The following PTER variants were observed in gnomAD, a reference collection of about 807,000 sequenced individuals.
PTER encodes phosphotriesterase related.
In PTER, 38 loss-of-function variants were observed where a neutral mutation model predicts 29.6. The observed-to-expected ratio is 1.28, with a 90% CI of 0.99 to 1.68. The LOEUF is 1.68. Among genes scored for constraint, PTER ranks in the 40% most tolerant of loss-of-function variants. The pLI is 0.00. For missense variants in PTER, 482 were observed against 427.8 expected, an observed-to-expected ratio of 1.13 and a Z score of -1.12; for synonymous variants, 172 against 154.5, an observed-to-expected ratio of 1.11 and a Z score of -0.84.
downstream of PTER, among the ~76,000 whole-genome samples, chr10:16,515,292 T>C (rs1330584521): frequency 6.6e-6 from 1 of 152,106 alleles, no homozygotes; most frequent in Non-Finnish European, 1.5e-5. Flanking sequence ...AAAGCCCCCT[T>C]TACCAGGCTG....
intron 1 of PTER, among the ~76,000 whole-genome samples, chr10:16,440,998 T>G (rs1833830682): frequency 6.6e-6 from 1 of 152,200 alleles, no homozygotes; most frequent in Admixed American, 6.5e-5. Flanking sequence ...CATGCTCCTT[T>G]TACTGTGTGG....
Position 16,484,361 on chromosome 10 carries a change from C to A in PTER, c.-24C>A. On this transcript the variant is annotated 5_prime_UTR_variant, in exon 2 of 5. Transcript: ENST00000535784. ...GAAAAAAGAAATCCTCTTTTTAGAA[C>A]ATCTCTTGGTGGTACCATCAGAAAT... The A allele has an allele frequency of 6.5e-7, 1 of 1,537,554 alleles. No homozygotes were observed. The highest frequency in any genetic ancestry group is 8.7e-7 in the Non-Finnish European group (1 of 1,143,128).
Position 16,457,415 on chromosome 10 carries a change from G to A in PTER, c.-49+20368G>A, listed in dbSNP as rs552653331. The stretch of plus-strand genomic sequence containing the variant: ...TTTTTAGTAGAGACGGGGTTTCACC[G>A]TGTTAGCCACGATGGTCTCGATCTC... On this transcript the variant is annotated intron_variant, in intron 1 of 4. Coordinates refer to ENST00000535784, the MANE Select transcript of PTER (RefSeq NM_001261836.2). 1.3e-4 allele frequency among the ~76,000 whole-genome samples: 19 copies of A among 151,952 alleles called. 1 individual carries two copies. The highest frequency in any genetic ancestry group is 1.1e-3 in the Admixed American group (17 of 15,250).
chr10:16,486,372 TG>T lies in PTER; in HGVS notation c.454del (p.Glu152LysfsTer25), dbSNP rs764474769. 2.7e-5 allele frequency: 43 copies of T among 1,613,850 alleles called. No homozygotes were observed. Among genetic ancestry groups the T allele is most frequent in the Non-Finnish European group, 3.6e-5 (43 of 1,179,796 alleles). On this transcript the variant is annotated frameshift_variant, in exon 3 of 5. Coordinates refer to ENST00000535784, the MANE Select transcript of PTER (RefSeq NM_001261836.2). LOFTEE classifies it high-confidence loss of function. ...VEQLTDVLMN[E>X]ILHGADGTSI... Reference sequence around the variant, plus strand: ...CTTAGCTTACCGATGTCCTTATGAATGAAATTCTCCATGGAGCTGATGGAAC... The same window carrying T: ...CTTAGCTTACCGATGTCCTTATGAATAAATTCTCCATGGAGCTGATGGAAC...
intron 3 of PTER, among the ~76,000 whole-genome samples, chr10:16,502,790 A>T (rs1388565499): frequency 6.6e-6 from 1 of 151,948 alleles, no homozygotes; most frequent in Non-Finnish European, 1.5e-5. Context: ...GGAGTTCAAG[A>T]CCAGCCTGGC....
chr10:16,516,326 T>G (rs1265330857), downstream of PTER, among the ~76,000 whole-genome samples: 1 of 152,196 alleles, frequency 6.6e-6, no homozygotes, highest in South Asian at 2.1e-4. Context: ...TAAAGATTAA[T>G]CATGAGTTTG....
chr10:16,494,839 G>A (rs1291899703), intron 3 of PTER, among the ~76,000 whole-genome samples: 1 of 151,976 alleles, frequency 6.6e-6, no homozygotes, highest in African/African-American at 2.4e-5. Flanking sequence ...GAATTTCTCA[G>A]CTCTCATAGT....
chr10:16,480,019 TGTAATCACG>T (rs1835418549), intron 1 of PTER, among the ~76,000 whole-genome samples: 1 of 137,110 alleles, frequency 7.3e-6, no homozygotes, highest in Non-Finnish European at 1.6e-5. Flanking sequence ...TTGGTGCAAA[TGTAATCACG>T]GTCATGGCAA....
intron 4 of PTER, 73 bp downstream of exon 4, chr10:16,505,233 T>C (rs1836517784): frequency 4.5e-6 from 7 of 1,544,732 alleles, no homozygotes; most frequent in Non-Finnish European, 4.4e-6. Flanking sequence ...AGGGAAGTAT[T>C]AGCAAAGATT....
At chr10:16,497,210 C>T (rs1211784985) in intron 3 of PTER, among the ~76,000 whole-genome samples, 2 of 152,190 alleles carry the variant, frequency 1.3e-5, no homozygotes, top group Non-Finnish European at 2.9e-5. Context: ...GCTGGGATTA[C>T]AGGCATGAGC....
At chr10:16,486,305 A>G (rs777626300) in intron 2 of PTER, 47 bp from the exon 3 acceptor site, 9 of 1,522,040 alleles carry the variant, frequency 5.9e-6, no homozygotes, top group South Asian at 3.7e-5. Context: ...ATCTATTTTG[A>G]TAAATTTCAC....
chr10:16,445,177 A>C (rs1269837393), intron 1 of PTER, among the ~76,000 whole-genome samples: 1 of 152,256 alleles, frequency 6.6e-6, no homozygotes, highest in East Asian at 1.9e-4. Context: ...TAAGGGACAC[A>C]TTAAATGAGG....
chr10:16,443,738 C>T (rs758049306), intron 1 of PTER, among the ~76,000 whole-genome samples: 8 of 152,172 alleles, frequency 5.3e-5, no homozygotes, highest in Non-Finnish European at 7.3e-5. Flanking sequence ...CAAATATTTG[C>T]TGTAACAACT....
chr10:16,489,057 A>G (rs1001804763), intron 3 of PTER, among the ~76,000 whole-genome samples: 6 of 152,284 alleles, frequency 3.9e-5, no homozygotes, highest in Admixed American at 6.5e-5. Flanking sequence ...CTCCAATTTG[A>G]TATATGTAGG....
intron 1 of PTER, among the ~76,000 whole-genome samples, chr10:16,441,538 G>A (rs941886416): frequency 4.6e-5 from 7 of 152,204 alleles, no homozygotes; most frequent in Non-Finnish European, 7.3e-5. Flanking sequence ...CAAGCCGGGA[G>A]CATTGTGCTT....
intron 3 of PTER, among the ~76,000 whole-genome samples, chr10:16,488,829 C>T (rs976829698): frequency 2.0e-5 from 3 of 152,162 alleles, no homozygotes; most frequent in Non-Finnish European, 4.4e-5. Context: ...GTCTCAAACT[C>T]CTGAGCTCAA....
chr10:16,473,028 A>C (rs549329809), intron 1 of PTER, among the ~76,000 whole-genome samples: 69 of 152,166 alleles, frequency 4.5e-4, no homozygotes, highest in Non-Finnish European at 8.4e-4. Context: ...CCAAAAAAAA[A>C]AAAAGGAAAA....
chr10:16,492,709 C>G (rs1200541562), intron 3 of PTER, among the ~76,000 whole-genome samples: 1 of 152,182 alleles, frequency 6.6e-6, no homozygotes, highest in African/African-American at 2.4e-5. Flanking sequence ...ACTTGGTTAT[C>G]TATTCAACAA....
chr10:16,506,761 T>C (rs1836584970), intron 4 of PTER, among the ~76,000 whole-genome samples: 1 of 150,078 alleles, frequency 6.7e-6, no homozygotes, highest in South Asian at 2.1e-4. Context: ...CATGGTTATC[T>C]CCTGAGAAAA....
Sources: allele counts gnomAD v4.1 joint callset (sites outside exome capture counted in the v4.1 genomes callset), GRCh38; gene constraint gnomAD v4.1.1; transcripts MANE v1.5; gene names NCBI Gene and HGNC (gene_info 2026-07-23, HGNC 2026-07-21).